ODAD2: variants seen among roughly 807,000 people sequenced by gnomAD.
ODAD2 encodes outer dynein arm docking complex subunit 2.
ODAD2 carries 89 observed loss-of-function variants against 106.8 expected under a neutral mutation model. The ratio of observed to expected loss-of-function variants is 0.83; its 90% CI spans 0.70 to 0.99. The LOEUF is 0.99. Ranked by LOEUF, ODAD2 falls within the 50% of genes least tolerant of loss-of-function variation. ODAD2 has a pLI of 0.00. For missense variants in ODAD2, 1,168 were observed against 1,238.5 expected, an observed-to-expected ratio of 0.94 and a Z score of 0.85; for synonymous variants, 404 against 436.2, an observed-to-expected ratio of 0.93 and a Z score of 0.92.
At chr10:27,931,792 T>C (rs890689703) in intron 16 of ODAD2, among the ~76,000 whole-genome samples, 2 of 149,368 alleles carry the variant, frequency 1.3e-5, no homozygotes, top group East Asian at 3.9e-4. Flanking sequence ...TAGAAATCAT[T>C]AAAGCTGAGA....
At chr10:27,907,304 T>A (rs1016884579) in intron 17 of ODAD2, among the ~76,000 whole-genome samples, 11 of 152,038 alleles carry the variant, frequency 7.2e-5, no homozygotes, top group African/African-American at 2.7e-4. Flanking sequence ...CAGTCATGTC[T>A]CCCCCATGGC....
chr10:27,949,996 CAGGA>C (rs1203433308), intron 10 of ODAD2, among the ~76,000 whole-genome samples: 2 of 152,182 alleles, frequency 1.3e-5, no homozygotes, highest in African/African-American at 4.8e-5. Flanking sequence ...CACAGTGAGA[CAGGA>C]AGGAAGGCAG....
At chr10:27,891,771 G>A (rs1842578980) in intron 17 of ODAD2, among the ~76,000 whole-genome samples, 1 of 152,020 alleles carries the variant, frequency 6.6e-6, no homozygotes, top group Non-Finnish European at 1.5e-5. Flanking sequence ...TATTAAAAAT[G>A]CACTGATATT....
intron 10 of ODAD2, among the ~76,000 whole-genome samples, chr10:27,949,798 C>T (rs1438690739): frequency 6.6e-6 from 1 of 152,030 alleles, no homozygotes; most frequent in African/African-American, 2.4e-5. Context: ...CTGCAGGGAT[C>T]CAGAGAATAG....
intron 16 of ODAD2, among the ~76,000 whole-genome samples, chr10:27,913,395 T>A (rs1844144781): frequency 6.6e-6 from 1 of 152,122 alleles, no homozygotes; most frequent in African/African-American, 2.4e-5. Flanking sequence ...TGGTTTTCTA[T>A]CCCTGCATTA....
intron 17 of ODAD2, chr10:27,904,358 G>C (rs958336717): frequency 3.9e-6 from 1 of 254,472 alleles, no homozygotes; most frequent in Non-Finnish European, 8.2e-6. Flanking sequence ...GGAATCTTGG[G>C]CTGAGTACTC....
chr10:27,834,264 G>A (rs1291564765), intron 19 of ODAD2, among the ~76,000 whole-genome samples: 3 of 152,174 alleles, frequency 2.0e-5, no homozygotes, highest in Non-Finnish European at 4.4e-5. Flanking sequence ...TGTGGTCTAG[G>A]GCTGGTAGCA....
rs149862624 is a variant in ODAD2, at chr10:27,931,244, C to T, written c.2495+3766G>A. Among the ~76,000 whole-genome samples the T allele has an allele frequency of 1.6e-3, 250 of 152,250 alleles. 1 individual carries two copies. Among genetic ancestry groups the T allele is most frequent in the African/African-American group, 5.7e-3 (235 of 41,540 alleles). The stretch of plus-strand genomic sequence containing the variant: ...AAAAGTCAGCATATTACATATGGGT[C>T]AATAATTCATAGCATTTTGCAGGTG... On this transcript the variant is annotated intron_variant, in intron 16 of 19. Coordinates refer to ENST00000305242, the MANE Select transcript of ODAD2 (RefSeq NM_018076.5).
intron 17 of ODAD2, among the ~76,000 whole-genome samples, chr10:27,882,061 C>G (rs1032653925): frequency 6.7e-5 from 10 of 150,268 alleles, no homozygotes; most frequent in African/African-American, 2.5e-4. Flanking sequence ...CCCAGCTACT[C>G]AGGAGGCTGA....
chr10:27,942,815 C>T (rs1168839053), intron 12 of ODAD2, among the ~76,000 whole-genome samples: 1 of 152,182 alleles, frequency 6.6e-6, no homozygotes, highest in Non-Finnish European at 1.5e-5. Flanking sequence ...CGTTTTATTA[C>T]ATATTTCACC....
chr10:27,985,406 G>C (rs574364473), intron 3 of ODAD2, among the ~76,000 whole-genome samples, 195 bp from the exon 4 acceptor site: 1 of 152,086 alleles, frequency 6.6e-6, no homozygotes, highest in East Asian at 1.9e-4. Flanking sequence ...TCTACTTCAC[G>C]AGATGCTCTA....
At chr10:27,829,101 T>A (rs1837285229) in intron 19 of ODAD2, among the ~76,000 whole-genome samples, 1 of 151,892 alleles carries the variant, frequency 6.6e-6, no homozygotes, top group Non-Finnish European at 1.5e-5. Flanking sequence ...AGCCAGAGAA[T>A]TAAAAAGGAA....
intron 9 of ODAD2, among the ~76,000 whole-genome samples, chr10:27,965,016 A>G (rs1304457796): frequency 6.6e-6 from 1 of 152,214 alleles, no homozygotes; most frequent in Non-Finnish European, 1.5e-5. Context: ...AGCTTGATGG[A>G]CAGGAGGCAA....
At chr10:27,924,891 A>AGG (rs1845148202) in intron 16 of ODAD2, among the ~76,000 whole-genome samples, 1 of 151,648 alleles carries the variant, frequency 6.6e-6, no homozygotes, top group Non-Finnish European at 1.5e-5. Context: ...TTTTTTAAAA[A>AGG]ACTGTAGGTC....
At chr10:27,998,363 G>A (rs1308830415) in intron 1 of ODAD2, among the ~76,000 whole-genome samples, 1 of 152,138 alleles carries the variant, frequency 6.6e-6, no homozygotes, top group Non-Finnish European at 1.5e-5. Flanking sequence ...CGTCAGAGCT[G>A]AGACCCTAAG....
At chr10:27,981,299 T>A (rs1349856200) in intron 7 of ODAD2, among the ~76,000 whole-genome samples, 167 bp downstream of exon 7, 1 of 152,088 alleles carries the variant, frequency 6.6e-6, no homozygotes, top group Non-Finnish European at 1.5e-5. Flanking sequence ...CCCTGAACAA[T>A]GATACTACAT....
intron 16 of ODAD2, among the ~76,000 whole-genome samples, chr10:27,910,065 C>T (rs931300042): frequency 6.6e-6 from 1 of 152,010 alleles, no homozygotes; most frequent in African/African-American, 2.4e-5. Context: ...ACCCAAATCC[C>T]AGTCTTTACC....
intron 2 of ODAD2, among the ~76,000 whole-genome samples, chr10:27,993,099 G>C (rs1398051145): frequency 6.6e-6 from 1 of 151,974 alleles, no homozygotes; most frequent in Non-Finnish European, 1.5e-5. Flanking sequence ...ATTTTCAGTA[G>C]AGACAGGATT....
chr10:27,893,727 A>C (rs1842701359), intron 17 of ODAD2, among the ~76,000 whole-genome samples: 3 of 152,220 alleles, frequency 2.0e-5, no homozygotes, highest in Admixed American at 2.0e-4. Flanking sequence ...AGGGGCAGTG[A>C]CGGGGAGAAA....
Sources: allele counts gnomAD v4.1 joint callset (sites outside exome capture counted in the v4.1 genomes callset), GRCh38; gene constraint gnomAD v4.1.1; transcripts MANE v1.5; gene names NCBI Gene and HGNC (gene_info 2026-07-23, HGNC 2026-07-21).